Variants in TRIM34 observed in about 807,000 individuals in gnomAD.
TRIM34 encodes tripartite motif containing 34, also known as E3 ubiquitin-protein ligase TRIM34.
In TRIM34, 41 loss-of-function variants were observed where a neutral mutation model predicts 38.1. The observed-to-expected ratio is 1.08, with a 90% confidence interval of 0.84 to 1.40. TRIM34 has a LOEUF of 1.40. TRIM34 is among the 40% of genes most tolerant of loss of function. The pLI is 0.00. For missense variants in TRIM34, 556 were observed against 571.4 expected, an observed-to-expected ratio of 0.97 and a Z score of 0.27; for synonymous variants, 200 against 202.5, an observed-to-expected ratio of 0.99 and a Z score of 0.10.
At chr11:5,623,867 G>C (rs886124638), upstream of TRIM34, among the ~76,000 whole-genome samples, 4 of 152,020 alleles carry the variant, frequency 2.6e-5, no homozygotes, top group Admixed American at 1.3e-4. Flanking sequence ...AGATGGAGAG[G>C]GCAAAAATGA....
In TRIM34 at chr11:5,640,839, T is replaced by C. The variant is rs189636455; in HGVS notation, c.751-328T>C. Among the ~76,000 whole-genome samples the C allele has an allele frequency of 2.4e-3, 373 of 152,350 alleles. 3 individuals are homozygous for C. Among genetic ancestry groups the C allele is most frequent in the African/African-American group, 8.7e-3 (360 of 41,590 alleles). On this transcript the variant is annotated intron_variant, in intron 4 of 7. Coordinates refer to ENST00000429814, the MANE Select transcript of TRIM34 (RefSeq NM_021616.6). ...AATCTCTTAACATGTTTTAGGCCTA[T>C]TCATATTTTCTATGCGTTCTTTAAT...
At position 5,628,110 on chromosome 11, in the gene TRIM34, C is replaced by T. The variant is rs1390805117; in HGVS notation, c.-78+3050C>T. On this transcript the variant is annotated intron_variant, in intron 1 of 7. Coordinates refer to ENST00000429814, the MANE Select transcript of TRIM34 (RefSeq NM_021616.6). ...GGAAGTGGTGGGGTCATTTCTCACA[C>T]GTGGGACCGTGGTTACTCTGCACTT... is the stretch of plus-strand genomic sequence containing the variant. Among the ~76,000 whole-genome samples, 5 of 152,200 alleles carry T rather than the reference C, an allele frequency of 3.3e-5. No homozygotes were observed. In the South Asian group the frequency reaches 8.3e-4, roughly 25 times the overall value.
chr11:5,626,427 T>A (rs1849236844), intron 1 of TRIM34, among the ~76,000 whole-genome samples: 1 of 152,220 alleles, frequency 6.6e-6, no homozygotes, highest in Non-Finnish European at 1.5e-5. Context: ...CAACTTTAAA[T>A]AGTTTTTATG....
At chr11:5,623,847 T>G (rs930561625), upstream of TRIM34, among the ~76,000 whole-genome samples, 1 of 152,200 alleles carries the variant, frequency 6.6e-6, no homozygotes, top group Non-Finnish European at 1.5e-5. Flanking sequence ...TTGATCACCA[T>G]GCATGAGTCA....
intron 4 of TRIM34, among the ~76,000 whole-genome samples, chr11:5,639,892 C>T (rs1443072551): frequency 6.6e-6 from 1 of 151,966 alleles, no homozygotes; most frequent in African/African-American, 2.4e-5. Context: ...GATTTTGGCA[C>T]AGGTATACAA....
At chr11:5,628,671 T>C (rs1849347725) in intron 1 of TRIM34, among the ~76,000 whole-genome samples, 1 of 152,196 alleles carries the variant, frequency 6.6e-6, no homozygotes, top group African/African-American at 2.4e-5. Context: ...TCTTTCACTA[T>C]CAAACCTGTT....
upstream of TRIM34, among the ~76,000 whole-genome samples, chr11:5,623,080 G>A (rs982986043): frequency 2.0e-5 from 3 of 151,132 alleles, no homozygotes; most frequent in African/African-American, 7.3e-5. Flanking sequence ...CTGAGCAAAG[G>A]GGTGACTTTG....
chr11:5,635,702 G>C (rs1849707436), intron 4 of TRIM34, among the ~76,000 whole-genome samples: 1 of 152,194 alleles, frequency 6.6e-6, no homozygotes, highest in African/African-American at 2.4e-5. Flanking sequence ...AAGCAGGAGA[G>C]TAACTGATTT....
At position 5,632,437 on chromosome 11, in the gene TRIM34, C is replaced by A; in HGVS notation, c.106C>A (p.Arg36=). Reference sequence around the variant, plus strand: ...TCTAGACTGTGGCCACAGCCTCTGCCGAGCCTGCATCACTGTGAGCAACAA... The same window carrying A: ...TCTAGACTGTGGCCACAGCCTCTGCAGAGCCTGCATCACTGTGAGCAACAA... ...LSLDCGHSLC[R]ACITVSNKEA... The change falls in exon 2 of 8, where the codon CGA becomes AGA. Residue 36 remains arginine (R), a synonymous_variant. Transcript: ENST00000429814. The A allele has an allele frequency of 6.2e-7, 1 of 1,613,932 alleles. No homozygotes were observed. The highest frequency in any genetic ancestry group is 8.5e-7 in the Non-Finnish European group (1 of 1,179,994).
chr11:5,630,632 G>A (rs1483576307), intron 1 of TRIM34, among the ~76,000 whole-genome samples: 3 of 152,124 alleles, frequency 2.0e-5, no homozygotes, highest in Admixed American at 2.0e-4. Flanking sequence ...TTCTCATTCT[G>A]TATTCCTTTC....
chr11:5,642,353 G>A lies in TRIM34; in HGVS notation c.774-53G>A, dbSNP rs368908467. 1.1e-4 allele frequency: 160 copies of A among 1,508,892 alleles called. 3 individuals are homozygous for A. In the East Asian group the frequency reaches 2.4e-3, roughly 23 times the overall value. The allele number at this position is 1,508,892 out of a possible 1,614,324, so 93.5% of individuals were successfully genotyped here. On this transcript the variant is annotated intron_variant, in intron 5 of 7. Coordinates refer to ENST00000429814, the MANE Select transcript of TRIM34 (RefSeq NM_021616.6). Reference sequence around the variant, plus strand: ...GGAGATGAAACCAGTGATGTGGGAGGGATGGACACAGGATGAGAGATGTGG... The same window carrying A: ...GGAGATGAAACCAGTGATGTGGGAGAGATGGACACAGGATGAGAGATGTGG...
chr11:5,642,694 T>G, intron 6 of TRIM34, 123 bp from the exon 7 acceptor site: 1 of 1,454,970 alleles, frequency 6.9e-7, no homozygotes, highest in South Asian at 1.3e-5. Flanking sequence ...GTTTATCTTT[T>G]TAATTCACTA....
Position 5,634,526 on chromosome 11 carries a change from C to T in TRIM34, c.520-105C>T, listed in dbSNP as rs553365395. ...ACACACACACACACACACACACACA[C>T]ACACATATATATATATATATATTTC... On this transcript the variant is annotated intron_variant, in intron 3 of 7. Transcript: ENST00000429814. 2,046 of 653,140 alleles carry T rather than the reference C, an allele frequency of 3.1e-3. 54 individuals are homozygous for T. In the African/African-American group the frequency reaches 0.043, roughly 14 times the overall value. 40.5% of individuals were successfully genotyped at this position (653,140 alleles called of 1,614,324 possible).
At chr11:5,627,471 T>C (rs1490545705) in intron 1 of TRIM34, among the ~76,000 whole-genome samples, 1 of 152,120 alleles carries the variant, frequency 6.6e-6, no homozygotes, top group Non-Finnish European at 1.5e-5. Context: ...GTGGTGGCAG[T>C]TGAGGTGGTT....
In TRIM34 at chr11:5,644,215, C is replaced by T. The variant is rs931657042; in HGVS notation, c.*506C>T. 7.5e-6 allele frequency: 3 copies of T among 398,900 alleles called. No homozygotes were observed. Among genetic ancestry groups the T allele is most frequent in the Non-Finnish European group, 1.3e-5 (3 of 226,326 alleles). 24.7% of individuals were successfully genotyped at this position (398,900 alleles called of 1,614,324 possible). On this transcript the variant is annotated 3_prime_UTR_variant, in exon 8 of 8. Transcript: ENST00000429814. ...TATGTCCAGAGTATTTGAGCTCAAACCTTGCCTGTTGTTTTCTAATCATGA... is the reference window on the plus strand; with the variant it reads ...TATGTCCAGAGTATTTGAGCTCAAATCTTGCCTGTTGTTTTCTAATCATGA...
intron 4 of TRIM34, 97 bp downstream of exon 4, chr11:5,634,958 C>A: frequency 2.3e-6 from 3 of 1,312,842 alleles, no homozygotes; most frequent in South Asian, 1.5e-5. Context: ...GTTTCTTTGG[C>A]CTTGCAGTGC....
chr11:5,627,264 C>A (rs1459812088), intron 1 of TRIM34, among the ~76,000 whole-genome samples: 1 of 151,954 alleles, frequency 6.6e-6, no homozygotes, highest in Non-Finnish European at 1.5e-5. Context: ...CCTGTAATCC[C>A]AGCTACTCGG....
chr11:5,631,898 TGATAATAAAAGAAA>T (rs1849497065), intron 1 of TRIM34, among the ~76,000 whole-genome samples: 1 of 152,102 alleles, frequency 6.6e-6, no homozygotes, highest in South Asian at 2.1e-4. Flanking sequence ...AAATAGATAA[TGATAATAAAAGAAA>T]GATGGCAAAT....
chr11:5,642,744 C>G, intron 6 of TRIM34, 73 bp from the exon 7 acceptor site: 1 of 1,593,664 alleles, frequency 6.3e-7, no homozygotes, highest in African/African-American at 1.3e-5. Flanking sequence ...TGTCCCTACT[C>G]TAAAGAATAT....
Sources: gnomAD v4.1 joint callset for allele counts (sites outside exome capture counted in the v4.1 genomes callset) on GRCh38, gnomAD v4.1.1 for gene constraint, MANE v1.5 for transcripts, NCBI Gene and HGNC (gene_info 2026-07-23, HGNC 2026-07-21) for gene names.